EFR3A: variants seen among roughly 807,000 people sequenced by gnomAD.
EFR3A encodes the protein EFR3 homolog A.
In EFR3A, 76 loss-of-function variants were observed where a neutral mutation model predicts 104.4. The observed-to-expected ratio is 0.73, with a 90% CI of 0.60 to 0.88. The LOEUF (loss-of-function observed/expected upper bound fraction) is 0.88, where lower values mean the gene tolerates loss of function less well. Ranked by LOEUF, EFR3A falls within the 40% of genes least tolerant of loss-of-function variation. The pLI is 0.00. For synonymous variants in EFR3A, 330 were observed against 330.0 expected (o/e 1.00, Z 0.00); for missense variants, 985 against 1,012.5 (o/e 0.97, Z 0.37).
intron 22 of EFR3A, among the ~76,000 whole-genome samples, chr8:132,010,419 T>TC (rs1488910143): frequency 2.3e-5 from 2 of 88,330 alleles, no homozygotes; most frequent in Non-Finnish European, 4.6e-5. Context: ...TATATATATA[T>TC]ATATATATAT....
intron 1 of EFR3A, among the ~76,000 whole-genome samples, chr8:131,933,295 AG>A (rs1817710795): frequency 6.6e-6 from 1 of 152,138 alleles, no homozygotes; most frequent in Admixed American, 6.6e-5. Context: ...AGTGACATGT[AG>A]GGTCCAGGGA....
chr8:131,996,288 A>G lies in EFR3A; in HGVS notation c.2066-118A>G, dbSNP rs3817046. Reference sequence around the variant, plus strand: ...CTTTTATGTATTTAGAAGGAACAAAAAAGACAAACTGTCTGAATTTTTTGA... The same window carrying G: ...CTTTTATGTATTTAGAAGGAACAAAGAAGACAAACTGTCTGAATTTTTTGA... On this transcript the variant is annotated intron_variant, in intron 18 of 22. Coordinates refer to ENST00000254624, the MANE Select transcript of EFR3A (RefSeq NM_015137.6). The G allele has an allele frequency of 9.7e-6, 6 of 619,626 alleles. 1 individual carries two copies. The East Asian group carries it at 1.9e-4, about 19-fold the overall frequency. 38.4% of individuals were successfully genotyped at this position (619,626 alleles called of 1,614,324 possible). A position where few individuals can be genotyped will look rare whatever the true frequency, so the allele number is the denominator to read the frequency against.
At chr8:131,950,207 A>G (rs1586588681) in intron 5 of EFR3A, 117 bp downstream of exon 5, 5 of 1,107,698 alleles carry the variant, frequency 4.5e-6, no homozygotes, top group Non-Finnish European at 6.3e-6. Flanking sequence ...ACGGCTTTCC[A>G]TTGCTGTTAG....
intron 11 of EFR3A, 28 bp downstream of exon 11, chr8:131,976,169 T>C (rs1310483654): frequency 7.3e-7 from 1 of 1,373,378 alleles, no homozygotes; most frequent in East Asian, 2.4e-5. Flanking sequence ...AAATTTGAAC[T>C]TAATCTTGAG....
In EFR3A at chr8:131,970,525, C is replaced by T. The variant is rs767511972; in HGVS notation, c.1041C>T (p.Leu347=). Residue 347 remains leucine (L), a synonymous_variant, in exon 10 of 23, where the codon CTC becomes CTT. Coordinates refer to ENST00000254624, the MANE Select transcript of EFR3A (RefSeq NM_015137.6). ...ATACCCTTTTGAAACATCTGCGTCT[C>T]AGCGTTGAATTCGAAGCAAATGATT... The part of the protein sequence containing the change: ...VFNTLLKHLR[L]SVEFEANDLQ... 1 of 1,613,896 alleles carries T rather than the reference C, an allele frequency of 6.2e-7. No individual in the cohort carries two copies. Among genetic ancestry groups the T allele is most frequent in the South Asian group, 1.1e-5 (1 of 91,072 alleles).
intron 1 of EFR3A, among the ~76,000 whole-genome samples, chr8:131,906,391 T>G (rs1816266788): frequency 6.6e-6 from 1 of 152,198 alleles, no homozygotes; most frequent in Non-Finnish European, 1.5e-5. Context: ...AGAGGCTTAG[T>G]GATAAGCCCA....
chr8:131,952,584 G>C (rs557139498), intron 5 of EFR3A, among the ~76,000 whole-genome samples: 25 of 152,192 alleles, frequency 1.6e-4, no homozygotes, highest in African/African-American at 6.0e-4. Context: ...CACCCAAGGT[G>C]TAGCAGCAGG....
chr8:131,907,134 T>C (rs935055263), intron 1 of EFR3A, among the ~76,000 whole-genome samples: 5 of 152,296 alleles, frequency 3.3e-5, no homozygotes, highest in Non-Finnish European at 7.4e-5. Context: ...AGCCTTTTTT[T>C]CCCCTTGAGT....
chr8:131,967,287 A>G (rs990650670), intron 8 of EFR3A, among the ~76,000 whole-genome samples: 1 of 152,132 alleles, frequency 6.6e-6, no homozygotes, highest in African/African-American at 2.4e-5. Context: ...AGAAATACCT[A>G]GAGATGAAAT....
intron 22 of EFR3A, among the ~76,000 whole-genome samples, chr8:132,004,642 AT>A (rs535933723): frequency 4.6e-4 from 70 of 152,340 alleles, no homozygotes; most frequent in Admixed American, 3.3e-3. Flanking sequence ...TGATGACTAA[AT>A]GTCAAACATT....
chr8:131,908,569 G>T (rs1031452413), intron 1 of EFR3A, among the ~76,000 whole-genome samples: 1 of 152,088 alleles, frequency 6.6e-6, no homozygotes, highest in African/African-American at 2.4e-5. Context: ...CTTTGAGGGA[G>T]GCCCTATTTG....
At chr8:131,960,582 T>C (rs78051739) in intron 8 of EFR3A, among the ~76,000 whole-genome samples, 5,445 of 152,264 alleles carry the variant, frequency 0.036, 186 homozygotes, top group African/African-American at 0.092. Flanking sequence ...ATTAAAACTT[T>C]GGATAGCTTT....
chr8:131,914,420 G>A (rs754516840), intron 1 of EFR3A, among the ~76,000 whole-genome samples: 1 of 152,184 alleles, frequency 6.6e-6, no homozygotes, highest in African/African-American at 2.4e-5. Context: ...CCCTGGCACA[G>A]CATCCTCATT....
chr8:131,970,747 T>A, intron 10 of EFR3A, 104 bp downstream of exon 10: 1 of 1,135,486 alleles, frequency 8.8e-7, no homozygotes, highest in East Asian at 2.5e-5. Context: ...AGATGAATGA[T>A]AGCTTAAATT....
rs537458514 is a variant in EFR3A, at chr8:131,968,542, G to T, written c.991+112G>T. 9 of 1,145,416 alleles carry T rather than the reference G, an allele frequency of 7.9e-6. No homozygotes were observed. In the Admixed American group the frequency reaches 9.3e-5, roughly 12 times the overall value. The allele number at this position is 1,145,416 out of a possible 1,614,324, so 71.0% of individuals were successfully genotyped here. A position where few individuals can be genotyped will look rare whatever the true frequency, so the allele number is the denominator to read the frequency against. On this transcript the variant is annotated intron_variant, in intron 9 of 22. Transcript: ENST00000254624. The stretch of plus-strand genomic sequence containing the variant: ...TTAAGAATATTTCTACACATTTTTC[G>T]GTGTACAATAATTTTTTTTGAAATT...
At chr8:131,969,745 A>G (rs1819946925) in intron 9 of EFR3A, among the ~76,000 whole-genome samples, 1 of 152,164 alleles carries the variant, frequency 6.6e-6, no homozygotes, top group South Asian at 2.1e-4. Context: ...TTTAATTGCA[A>G]ATAATGAAAT....
intron 5 of EFR3A, among the ~76,000 whole-genome samples, chr8:131,950,494 C>T (rs1024512260): frequency 2.0e-5 from 3 of 152,160 alleles, no homozygotes; most frequent in Non-Finnish European, 4.4e-5. Context: ...CGTTACCTAA[C>T]TTTGTTCAGA....
intron 1 of EFR3A, among the ~76,000 whole-genome samples, chr8:131,906,256 A>G (rs967513396): frequency 2.6e-5 from 4 of 152,234 alleles, no homozygotes; most frequent in African/African-American, 9.6e-5. Context: ...TATCCAACAC[A>G]GAGATGGCAA....
intron 18 of EFR3A, 47 bp from the exon 19 acceptor site, chr8:131,996,359 A>G: frequency 8.5e-7 from 1 of 1,183,110 alleles, no homozygotes; most frequent in Non-Finnish European, 1.2e-6. Flanking sequence ...ATGAAAACCA[A>G]CATAACATTT....
Sources: allele counts gnomAD v4.1 joint callset (sites outside exome capture counted in the v4.1 genomes callset), GRCh38; gene constraint gnomAD v4.1.1; transcripts MANE v1.5; gene names NCBI Gene and HGNC (gene_info 2026-07-23, HGNC 2026-07-21).